SPAST: variants seen among roughly 807,000 people sequenced by gnomAD.
SPAST encodes spastin, also known as spastic paraplegia 4 (autosomal dominant; spastin).
In SPAST, 30 loss-of-function variants were observed where a neutral mutation model predicts 76.6. That is an observed-to-expected ratio of 0.39 (90% CI 0.29 to 0.53). The LOEUF is 0.53. Ranked by LOEUF, SPAST falls within the 20% of genes least tolerant of loss-of-function variation. SPAST has a pLI of 0.68. For missense variants in SPAST, 717 were observed against 770.5 expected (o/e 0.93, Z 0.82); for synonymous variants, 305 against 281.0 (o/e 1.09, Z -0.86).
chr2:32,135,549 C>G (rs148283435), intron 9 of SPAST, among the ~76,000 whole-genome samples: 147 of 152,270 alleles, frequency 9.7e-4, no homozygotes, highest in Non-Finnish European at 1.6e-3. Context: ...TAGATTATCA[C>G]AGACCTCATG....
Position 32,068,934 on chromosome 2 carries a change from G to T in SPAST, c.415+4688G>T, listed in dbSNP as rs114248597. On this transcript the variant is annotated intron_variant, in intron 1 of 16. Transcript: ENST00000315285. ...GGCTGGGCATGGTGGCTCAAGCCGG[G>T]TGCAGTGGCCCATGCCTGTTATCCC... Among the ~76,000 whole-genome samples, 889 of 151,344 alleles carry T rather than the reference G, an allele frequency of 5.9e-3. 11 individuals carry two copies. Among genetic ancestry groups the T allele is most frequent in the African/African-American group, 0.02 (831 of 41,258 alleles).
Position 32,078,804 on chromosome 2 carries a change from A to G in SPAST, c.416-8688A>G, listed in dbSNP as rs181736258. On this transcript the variant is annotated intron_variant, in intron 1 of 16. Transcript: ENST00000315285. ...AAAAAAATATGCAAAACAATTTGCA[A>G]TCTTTTTCACTTACCATATTTTGGA... 1.2e-4 allele frequency among the ~76,000 whole-genome samples: 19 copies of G among 152,328 alleles called. No homozygotes were observed. In the East Asian group the frequency reaches 2.9e-3, roughly 23 times the overall value.
At chr2:32,146,691 C>T (rs908449787) in intron 15 of SPAST, among the ~76,000 whole-genome samples, 1 of 151,446 alleles carries the variant, frequency 6.6e-6, no homozygotes, top group East Asian at 1.9e-4. Flanking sequence ...ATGGTGAAAC[C>T]GCATCTCTAC....
chr2:32,126,002 A>G (rs1195084854), intron 7 of SPAST, among the ~76,000 whole-genome samples: 2 of 151,972 alleles, frequency 1.3e-5, no homozygotes, highest in Non-Finnish European at 2.9e-5. Flanking sequence ...TCATCGTGTT[A>G]GCCAGGATGG....
chr2:32,064,412 A>G (rs1033414724), intron 1 of SPAST, among the ~76,000 whole-genome samples, 166 bp downstream of exon 1: 1 of 152,122 alleles, frequency 6.6e-6, no homozygotes, highest in African/African-American at 2.4e-5. Context: ...CTCATCTTCT[A>G]GTATTCTTAA....
At chr2:32,066,441 G>A (rs762695396) in intron 1 of SPAST, among the ~76,000 whole-genome samples, 6 of 152,060 alleles carry the variant, frequency 3.9e-5, no homozygotes, top group Admixed American at 6.6e-5. Context: ...AGGCCGGGGC[G>A]GGTGGATCAT....
intron 1 of SPAST, among the ~76,000 whole-genome samples, chr2:32,085,237 T>A (rs1677427421): frequency 6.7e-6 from 1 of 148,936 alleles, no homozygotes; most frequent in South Asian, 2.1e-4. Flanking sequence ...GTCAGGGTCT[T>A]GCTCTTTTGC....
At chr2:32,078,832 T>A (rs915514634) in intron 1 of SPAST, among the ~76,000 whole-genome samples, 1 of 152,158 alleles carries the variant, frequency 6.6e-6, no homozygotes, top group Admixed American at 6.6e-5. Context: ...ATTTTGGAAT[T>A]TTTTTCATTT....
intron 1 of SPAST, among the ~76,000 whole-genome samples, chr2:32,070,211 G>A (rs1411788158): frequency 1.3e-5 from 2 of 151,756 alleles, no homozygotes; most frequent in African/African-American, 2.4e-5. Context: ...TACTACAGGC[G>A]TGCACCACTA....
At chr2:32,121,671 G>A (rs766732508) in intron 7 of SPAST, among the ~76,000 whole-genome samples, 8 of 151,340 alleles carry the variant, frequency 5.3e-5, no homozygotes, top group Admixed American at 3.3e-4. Flanking sequence ...CTCCCAAGCA[G>A]CTGGGATTAC....
chr2:32,107,294 G>T (rs369874922), intron 4 of SPAST, among the ~76,000 whole-genome samples: 123 of 151,852 alleles, frequency 8.1e-4, no homozygotes, highest in African/African-American at 2.6e-3. Flanking sequence ...GTGCGGTGGC[G>T]CAATCTTGGC....
intron 7 of SPAST, among the ~76,000 whole-genome samples, chr2:32,124,585 T>C (rs940800373): frequency 3.3e-5 from 5 of 152,190 alleles, no homozygotes; most frequent in African/African-American, 1.2e-4. Flanking sequence ...TAAAAAAAAC[T>C]GCACATGAAT....
intron 4 of SPAST, among the ~76,000 whole-genome samples, chr2:32,111,398 A>G (rs948925744): frequency 5.5e-5 from 8 of 146,180 alleles, no homozygotes; most frequent in African/African-American, 1.7e-4. Context: ...CGTATAGAGT[A>G]TATATATAGT....
chr2:32,090,643 C>G (rs1410313229), intron 3 of SPAST, among the ~76,000 whole-genome samples: 1 of 152,052 alleles, frequency 6.6e-6, no homozygotes, highest in East Asian at 1.9e-4. Context: ...TTAAAAAGAT[C>G]CGTATGTCTC....
At chr2:32,080,758 AGTTCTT>A (rs1677186884) in intron 1 of SPAST, among the ~76,000 whole-genome samples, 1 of 136,432 alleles carries the variant, frequency 7.3e-6, no homozygotes, top group South Asian at 2.4e-4. Context: ...TATGGGTTTC[AGTTCTT>A]GTATGGTCTG....
intron 1 of SPAST, among the ~76,000 whole-genome samples, chr2:32,075,584 C>T (rs780051109): frequency 1.5e-4 from 17 of 113,284 alleles, no homozygotes; most frequent in Non-Finnish European, 2.8e-4. Context: ...AAGCCTCACT[C>T]TGTCACCCAG....
intron 4 of SPAST, among the ~76,000 whole-genome samples, chr2:32,112,495 A>C (rs1279510848): frequency 6.6e-6 from 1 of 151,726 alleles, no homozygotes; most frequent in Admixed American, 6.6e-5. Context: ...TTACAGGCGC[A>C]CGCCACCACA....
intron 4 of SPAST, among the ~76,000 whole-genome samples, chr2:32,100,113 T>C (rs924822461): frequency 8.5e-5 from 13 of 152,170 alleles, no homozygotes; most frequent in Non-Finnish European, 1.2e-4. Flanking sequence ...GCTGTACTAG[T>C]TTAGATTCCC....
chr2:32,136,799 A>C, intron 10 of SPAST, 78 bp from the exon 11 acceptor site: 2 of 1,260,276 alleles, frequency 1.6e-6, no homozygotes, highest in Non-Finnish European at 2.3e-6. Context: ...TATATTAATA[A>C]GTAGTAAACT....
Sources: allele counts gnomAD v4.1 joint callset (sites outside exome capture counted in the v4.1 genomes callset), GRCh38; gene constraint gnomAD v4.1.1; transcripts MANE v1.5; gene names NCBI Gene and HGNC (gene_info 2026-07-23, HGNC 2026-07-21).